FAM163B: variants seen among roughly 807,000 people sequenced by gnomAD.
FAM163B encodes family with sequence similarity 163 member B, also known as protein FAM163B.
A neutral mutation model predicts 7.6 loss-of-function variants in FAM163B; 4 were observed. The ratio of observed to expected loss-of-function variants is 0.52; its 90% CI spans 0.26 to 1.20. FAM163B has a LOEUF of 1.20. FAM163B is among the 50% of genes most tolerant of loss of function. FAM163B has a pLI of 0.14. For synonymous variants in FAM163B, 120 were observed against 111.6 expected (o/e 1.07, Z -0.47); for missense variants, 250 against 243.0 (o/e 1.03, Z -0.19).
intron 1 of FAM163B, among the ~76,000 whole-genome samples, chr9:133,599,990 C>T (rs886887296): frequency 5.4e-5 from 7 of 129,704 alleles, no homozygotes; most frequent in Non-Finnish European, 9.6e-5. Context: ...TGTGCATATG[C>T]GAATGTGTGT....
intron 1 of FAM163B, among the ~76,000 whole-genome samples, chr9:133,591,058 T>C (rs12350047): frequency 0.11 from 16,454 of 152,224 alleles, 2,044 homozygotes; most frequent in African/African-American, 0.3. Context: ...GCCCAGCTAC[T>C]GGGGCATCCT....
intron 1 of FAM163B, among the ~76,000 whole-genome samples, chr9:133,598,596 T>TGGGAGAGA (rs1831665667): frequency 1.1e-5 from 1 of 90,408 alleles, no homozygotes; most frequent in South Asian, 4.1e-4. Context: ...CCGCTGCTGG[T>TGGGAGAGA]GGGAGAGAGG....
intron 1 of FAM163B, among the ~76,000 whole-genome samples, chr9:133,591,927 GTCCTC>G (rs1831558834): frequency 6.6e-6 from 1 of 152,182 alleles, no homozygotes; most frequent in African/African-American, 2.4e-5. Flanking sequence ...CACCCCCGCT[GTCCTC>G]TCCTTTCCAG....
chr9:133,588,778 TCA>T (rs1360258831), intron 1 of FAM163B, among the ~76,000 whole-genome samples: 1 of 100,702 alleles, frequency 9.9e-6, no homozygotes, highest in Non-Finnish European at 2.1e-5. Flanking sequence ...TTGCCCAGGG[TCA>T]CCGGGCACAT....
intron 1 of FAM163B, among the ~76,000 whole-genome samples, chr9:133,590,137 C>T (rs1199478832): frequency 0.017 from 888 of 52,054 alleles, 122 homozygotes; most frequent in African/African-American, 0.089. Flanking sequence ...CCCTTCCCCT[C>T]CCCTTCCCCT....
chr9:133,605,227 A>G (rs1308424426), intron 1 of FAM163B, among the ~76,000 whole-genome samples: 1 of 152,188 alleles, frequency 6.6e-6, no homozygotes, highest in Non-Finnish European at 1.5e-5. Context: ...GGCACATCAG[A>G]GGCGGATGTA....
In FAM163B at chr9:133,601,975, G is replaced by C. The variant is rs994763680; in HGVS notation, c.-24+7102C>G. On this transcript the variant is annotated intron_variant, in intron 1 of 2. Transcript: ENST00000673969. This position sits in a 1 kb window ranked among gnomAD's most constrained non-coding sequence, Gnocchi z 4.1. ...CAGGGAGGACCAGCAGGGAAGCTGG[G>C]GGCTGGCAGGGTCTGTCCTGGGTGG... 7.9e-5 allele frequency among the ~76,000 whole-genome samples: 12 copies of C among 152,200 alleles called. No homozygotes were observed. The highest frequency in any genetic ancestry group is 7.9e-4 in the Admixed American group (12 of 15,284).
At position 133,577,324 on chromosome 9, in the gene FAM163B, C is replaced by T. The variant is rs1463139862; in HGVS notation, c.*1698G>A. 7.1e-6 allele frequency among the ~76,000 whole-genome samples: 1 copy of T among 140,668 alleles called. No individual in the cohort carries two copies. Among genetic ancestry groups the T allele is most frequent in the Non-Finnish European group, 1.6e-5 (1 of 64,278 alleles). The allele number at this position is 140,668 out of a possible 152,430, so 92.3% of individuals were successfully genotyped here. On this transcript the variant is annotated 3_prime_UTR_variant, in exon 3 of 3. Coordinates refer to ENST00000673969, the MANE Select transcript of FAM163B (RefSeq NM_001080515.3). ...GCCAACGCATCAGAAACAGACTTCA[C>T]AGGATGCACAGAGGAAGCCAGAGGT...
intron 1 of FAM163B, among the ~76,000 whole-genome samples, chr9:133,580,934 C>T (rs1831346988): frequency 6.6e-6 from 1 of 152,220 alleles, no homozygotes; most frequent in South Asian, 2.1e-4. Flanking sequence ...GGGCTTCTTA[C>T]ATTAAAGAAA....
At chr9:133,598,567 CG>C (rs1185263559) in intron 1 of FAM163B, among the ~76,000 whole-genome samples, 1 of 140,458 alleles carries the variant, frequency 7.1e-6, no homozygotes, top group Non-Finnish European at 1.6e-5. Flanking sequence ...TAGATAATTT[CG>C]GCCCAGGAGC....
chr9:133,584,068 C>T (rs888559602), intron 1 of FAM163B, among the ~76,000 whole-genome samples: 7 of 151,740 alleles, frequency 4.6e-5, no homozygotes, highest in East Asian at 1.9e-4. Context: ...GGACCTACCA[C>T]GCCATCAAAG....
At chr9:133,580,386 G>C in intron 1 of FAM163B, 140 bp from the exon 2 acceptor site, 2 of 683,014 alleles carry the variant, frequency 2.9e-6, no homozygotes, top group Non-Finnish European at 5.1e-6. Flanking sequence ...GGGCTCTGCC[G>C]GGGACGGGGT....
Position 133,578,996 on chromosome 9 carries a change from G to T in FAM163B, c.*26C>A, listed in dbSNP as rs1564188529. 1 of 1,476,680 alleles carries T rather than the reference G, an allele frequency of 6.8e-7. No individual in the cohort carries two copies. The allele number at this position is 1,476,680 out of a possible 1,614,324, so 91.5% of individuals were successfully genotyped here. ...CCCCCATTGTCTCAGGACCTTCAAG[G>T]CCAGGATCCCGGGGGCGGGCCCAGG... On this transcript the variant is annotated 3_prime_UTR_variant, in exon 3 of 3. Coordinates refer to ENST00000673969, the MANE Select transcript of FAM163B (RefSeq NM_001080515.3).
chr9:133,592,237 C>G (rs1236253044), intron 1 of FAM163B, among the ~76,000 whole-genome samples: 6 of 152,054 alleles, frequency 3.9e-5, no homozygotes, highest in Non-Finnish European at 7.4e-5. Context: ...AACCAAGCAC[C>G]CTGGGAGGGC....
At chr9:133,604,687 A>C (rs775876240) in intron 1 of FAM163B, among the ~76,000 whole-genome samples, 9 of 152,180 alleles carry the variant, frequency 5.9e-5, no homozygotes, top group Non-Finnish European at 1.3e-4. Flanking sequence ...CACGGAACAC[A>C]GGAATCACCT....
chr9:133,608,018 GCAA>G (rs1452643597), intron 1 of FAM163B, among the ~76,000 whole-genome samples: 1 of 152,210 alleles, frequency 6.6e-6, no homozygotes, highest in African/African-American at 2.4e-5. Flanking sequence ...TGCTTTCCCA[GCAA>G]CCCTGAACTT....
intron 1 of FAM163B, chr9:133,586,204 CG>C (rs1831435590): frequency 6.6e-6 from 1 of 152,196 alleles, no homozygotes; most frequent in East Asian, 1.9e-4. Flanking sequence ...AGGGAGTCTG[CG>C]GGGCCTGGAG....
intron 1 of FAM163B, among the ~76,000 whole-genome samples, chr9:133,598,538 A>T (rs1421341607): frequency 7.2e-6 from 1 of 138,914 alleles, no homozygotes; most frequent in African/African-American, 2.6e-5. Context: ...GCTCTTCTTA[A>T]CCCAACAGTT....
intron 1 of FAM163B, among the ~76,000 whole-genome samples, chr9:133,605,681 T>TC (rs2131265590): frequency 6.6e-6 from 1 of 151,996 alleles, no homozygotes; most frequent in South Asian, 2.1e-4. Context: ...ACAACAGTCC[T>TC]CCCCCAGGGC....
Sources: gnomAD v4.1 joint callset for allele counts (sites outside exome capture counted in the v4.1 genomes callset) on GRCh38, gnomAD v4.1.1 for gene constraint, Gnocchi (gnomAD v3.1) non-coding constraint, MANE v1.5 for transcripts, NCBI Gene and HGNC (gene_info 2026-07-23, HGNC 2026-07-21) for gene names.